The following RBMS3 variants were observed in gnomAD, a reference collection of about 807,000 sequenced individuals.
RBMS3 encodes RNA-binding motif, single-stranded-interacting protein 3.
A neutral mutation model predicts 66.8 loss-of-function variants in RBMS3; 27 were observed. The ratio of observed to expected loss-of-function variants is 0.40; its 90% CI spans 0.30 to 0.56. The LOEUF (loss-of-function observed/expected upper bound fraction) is 0.56. Ranked by LOEUF, RBMS3 falls within the 20% of genes least tolerant of loss-of-function variation. The pLI is 0.40. For missense variants in RBMS3, 513 were observed against 549.5 expected, an observed-to-expected ratio of 0.93 and a Z score of 0.66; for synonymous variants, 188 against 183.0, an observed-to-expected ratio of 1.03 and a Z score of -0.22.
At chr3:29,511,763 G>T (rs746532319) in intron 3 of RBMS3, among the ~76,000 whole-genome samples, 9 of 152,020 alleles carry the variant, frequency 5.9e-5, no homozygotes, top group Non-Finnish European at 1.3e-4. Context: ...ACAAAAATGG[G>T]ATTTTCACAT....
intron 3 of RBMS3, among the ~76,000 whole-genome samples, chr3:29,582,830 C>T (rs1304297615): frequency 1.3e-5 from 2 of 152,092 alleles, no homozygotes; most frequent in African/African-American, 4.8e-5. Flanking sequence ...GATGTAGTAT[C>T]TGCTGTCATG....
intron 10 of RBMS3, among the ~76,000 whole-genome samples, chr3:29,918,525 A>C (rs76783255): frequency 0.017 from 2,530 of 152,168 alleles, 66 homozygotes; most frequent in African/African-American, 0.058. Flanking sequence ...TTTGTCTCAA[A>C]GTTATGTTAT....
chr3:29,514,672 TATATATATGATAGGCATAC>T (rs1485577238), intron 3 of RBMS3, among the ~76,000 whole-genome samples: 1 of 144,886 alleles, frequency 6.9e-6, no homozygotes, highest in African/African-American at 2.6e-5. Flanking sequence ...TATATATATA[TATATATATGATAGGCATAC>T]ATATATATGA....
At chr3:29,774,656 G>A (rs150571638) in intron 6 of RBMS3, among the ~76,000 whole-genome samples, 10 of 152,042 alleles carry the variant, frequency 6.6e-5, no homozygotes, top group South Asian at 2.1e-4. Flanking sequence ...ATCATAATAC[G>A]AATTCATTAT....
chr3:29,833,800 C>T (rs2888162), intron 6 of RBMS3, among the ~76,000 whole-genome samples: 4 of 151,744 alleles, frequency 2.6e-5, no homozygotes, highest in Non-Finnish European at 5.9e-5. Flanking sequence ...CCAAATCTGG[C>T]GAGAGATGTG....
chr3:29,857,678 T>C (rs2059114615), intron 6 of RBMS3, among the ~76,000 whole-genome samples: 1 of 152,064 alleles, frequency 6.6e-6, no homozygotes, highest in African/African-American at 2.4e-5. Context: ...CACAGGATAT[T>C]GACATGTGTA....
At chr3:29,348,060 C>A (rs1182208392) in intron 1 of RBMS3, among the ~76,000 whole-genome samples, 1 of 150,748 alleles carries the variant, frequency 6.6e-6, no homozygotes. Flanking sequence ...TTTTTTCCAT[C>A]GTTTTCCTCT....
intron 4 of RBMS3, chr3:29,615,193 A>G (rs867080248): frequency 6.6e-6 from 1 of 152,414 alleles, no homozygotes; most frequent in East Asian, 1.9e-4. Flanking sequence ...GTTGGAAGCA[A>G]TTACCACCAT....
chr3:29,332,981 C>A (rs1405476950), intron 1 of RBMS3, among the ~76,000 whole-genome samples: 1 of 152,004 alleles, frequency 6.6e-6, no homozygotes, highest in Non-Finnish European at 1.5e-5. Flanking sequence ...TTATTATTTT[C>A]TCAGCTAGTC....
intron 3 of RBMS3, among the ~76,000 whole-genome samples, chr3:29,534,958 A>G (rs1460092029): frequency 3.3e-5 from 5 of 152,090 alleles, no homozygotes; most frequent in Non-Finnish European, 7.4e-5. Flanking sequence ...GAAAAAAAAA[A>G]CACAGTCAAC....
intron 8 of RBMS3, among the ~76,000 whole-genome samples, chr3:29,892,936 A>C (rs1479091316): frequency 6.6e-6 from 1 of 151,028 alleles, no homozygotes; most frequent in Non-Finnish European, 1.5e-5. Flanking sequence ...AAAAGCTAAG[A>C]GATTTGGAAA....
At chr3:29,839,263 A>G (rs2058605819) in intron 6 of RBMS3, among the ~76,000 whole-genome samples, 2 of 152,128 alleles carry the variant, frequency 1.3e-5, no homozygotes, top group Non-Finnish European at 2.9e-5. Context: ...CTTCCCAAAG[A>G]ATTTCCTGAC....
intron 2 of RBMS3, among the ~76,000 whole-genome samples, chr3:29,487,454 A>G (rs1440522695): frequency 1.3e-5 from 2 of 152,212 alleles, no homozygotes; most frequent in Non-Finnish European, 2.9e-5. Context: ...ATAACTTTAC[A>G]TGTCAATTTT....
chr3:29,926,369 G>A (rs999143179), intron 10 of RBMS3, among the ~76,000 whole-genome samples: 3 of 152,148 alleles, frequency 2.0e-5, no homozygotes, highest in Non-Finnish European at 2.9e-5. Flanking sequence ...ACAAAATAAA[G>A]TGCTTTTTGC....
intron 2 of RBMS3, among the ~76,000 whole-genome samples, chr3:29,476,013 G>C (rs539765709): frequency 5.9e-5 from 9 of 152,082 alleles, no homozygotes; most frequent in Non-Finnish European, 1.3e-4. Context: ...GGCATCCTAG[G>C]TGTGTTCTTT....
At chr3:29,310,622 T>G (rs1198900719) in intron 1 of RBMS3, among the ~76,000 whole-genome samples, 2 of 151,704 alleles carry the variant, frequency 1.3e-5, no homozygotes, top group Non-Finnish European at 3.0e-5. Flanking sequence ...GTTTATTTTA[T>G]GGGAAGATTT....
chr3:29,782,064 C>T (rs1324412915), intron 6 of RBMS3, among the ~76,000 whole-genome samples: 4 of 152,028 alleles, frequency 2.6e-5, no homozygotes, highest in East Asian at 1.9e-4. Flanking sequence ...CCCTCGGAGT[C>T]GAAGACAAAG....
chr3:29,687,490 G>T (rs1181970278), intron 4 of RBMS3, among the ~76,000 whole-genome samples: 1 of 152,184 alleles, frequency 6.6e-6, no homozygotes, highest in Non-Finnish European at 1.5e-5. Flanking sequence ...ATTAAGTTCA[G>T]ATTTGTAGAG....
intron 1 of RBMS3, among the ~76,000 whole-genome samples, chr3:29,425,667 G>A (rs76423174): frequency 0.1 from 15,871 of 152,020 alleles, 1,138 homozygotes; most frequent in East Asian, 0.29. Context: ...AAAAAATAGA[G>A]ATTATGGGGA....
Sources: gnomAD v4.1 joint callset for allele counts (sites outside exome capture counted in the v4.1 genomes callset) on GRCh38, gnomAD v4.1.1 for gene constraint, MANE v1.5 for transcripts, NCBI Gene and HGNC (gene_info 2026-07-23, HGNC 2026-07-21) for gene names.